Variants in LRRFIP1 observed in about 807,000 individuals in gnomAD.
LRRFIP1 encodes the protein LRR binding FLII interacting protein 1.
Under a neutral mutation model 104.4 loss-of-function variants are expected in LRRFIP1, and 62 were observed. That is an observed-to-expected ratio of 0.59 (90% CI 0.48 to 0.73). The LOEUF is 0.73. LRRFIP1 is among the 30% of genes least tolerant of loss of function. The pLI is 0.00. For missense variants in LRRFIP1, 796 were observed against 824.5 expected, an observed-to-expected ratio of 0.97 and a Z score of 0.42; for synonymous variants, 300 against 299.0, an observed-to-expected ratio of 1.00 and a Z score of -0.03.
chr2:237,661,753 C>T lies in LRRFIP1; in HGVS notation c.96+34013C>T, dbSNP rs2088015672. 6.6e-6 allele frequency among the ~76,000 whole-genome samples: 1 copy of T among 152,192 alleles called. No homozygotes were observed. Among genetic ancestry groups the T allele is most frequent in the Admixed American group, 6.5e-5 (1 of 15,284 alleles). On this transcript the variant is annotated intron_variant, in intron 1 of 23. Transcript: ENST00000308482. This position sits in a 1 kb window ranked among gnomAD's most constrained non-coding sequence, Gnocchi z 4.4. ...TCTGTGCTGTGCATGGGGACAGCTC[C>T]AGGAAGAGAGAGGGCACTGTTTTCC... is the stretch of plus-strand genomic sequence containing the variant.
chr2:237,700,779 GCCCTGGGTCTC>G (rs962001146), intron 1 of LRRFIP1, among the ~76,000 whole-genome samples: 5 of 152,202 alleles, frequency 3.3e-5, no homozygotes, highest in African/African-American at 1.2e-4. Flanking sequence ...TGAGCTGTAT[GCCCTGGGTCTC>G]CCCTGGGCTC....
chr2:237,734,302 A>G (rs1339822650), intron 9 of LRRFIP1, among the ~76,000 whole-genome samples: 1 of 105,178 alleles, frequency 9.5e-6, no homozygotes, highest in African/African-American at 4.8e-5. Context: ...TTTTTTGGAG[A>G]CAGAATCTCC....
intron 1 of LRRFIP1, among the ~76,000 whole-genome samples, chr2:237,631,793 T>C (rs2082375975): frequency 6.6e-6 from 1 of 152,240 alleles, no homozygotes; most frequent in African/African-American, 2.4e-5. Context: ...GGAACAGTCA[T>C]TTGCGCAGGC....
chr2:237,637,014 A>G (rs1024530624), intron 1 of LRRFIP1, among the ~76,000 whole-genome samples: 53 of 152,262 alleles, frequency 3.5e-4, no homozygotes, highest in South Asian at 2.1e-4. Flanking sequence ...AATCTGAGAC[A>G]TACACCAGGG....
chr2:237,737,652 C>A (rs1383620832), intron 10 of LRRFIP1, among the ~76,000 whole-genome samples: 9 of 152,206 alleles, frequency 5.9e-5, no homozygotes, highest in African/African-American at 2.2e-4. Flanking sequence ...GTTTTCCTCT[C>A]TCTTACATCA....
At chr2:237,759,517 G>A (rs2059643477) in intron 18 of LRRFIP1, among the ~76,000 whole-genome samples, 2 of 152,228 alleles carry the variant, frequency 1.3e-5, no homozygotes, top group South Asian at 4.1e-4. Flanking sequence ...GCCACAGGCG[G>A]CAGGAGGGCA....
At position 237,691,035 on chromosome 2, in the gene LRRFIP1, T is replaced by G. The variant is rs541516978; in HGVS notation, c.97-17509T>G. On this transcript the variant is annotated intron_variant, in intron 1 of 23. Coordinates refer to ENST00000308482, the MANE Select transcript of LRRFIP1 (RefSeq NM_001137550.2). The surrounding 1 kb of genome is among the most constrained non-coding windows in gnomAD (Gnocchi z 5.4). ...CCCTGCTGCACACCCTCCTGACAAC[T>G]CCTGCCCTGAAGCCCTGGGCCCGGG... is the stretch of plus-strand genomic sequence containing the variant. 4.0e-5 allele frequency among the ~76,000 whole-genome samples: 6 copies of G among 151,672 alleles called. No homozygotes were observed. The highest frequency in any genetic ancestry group is 2.6e-4 in the Admixed American group (4 of 15,276).
intron 4 of LRRFIP1, 135 bp from the exon 5 acceptor site, chr2:237,719,388 G>T: frequency 1.7e-6 from 1 of 596,634 alleles, no homozygotes; most frequent in South Asian, 2.2e-5. Flanking sequence ...TTAAATGAAG[G>T]CAAAGAAAAT....
chr2:237,756,130 G>A lies in LRRFIP1; in HGVS notation c.1074G>A (p.Leu358=). ...GGGAAAAACACGCCCACAGTATACT[G>A]CAATTTCAGTTTGCTGAAGTCAAGG... is the stretch of plus-strand genomic sequence containing the variant. ...FEREKHAHSI[L]QFQFAEVKEA... The change falls in exon 16 of 24, where the codon CTG becomes CTA. Residue 358 remains leucine, a synonymous_variant. Transcript: ENST00000308482. 1.2e-6 allele frequency: 2 copies of A among 1,613,980 alleles called. No individual in the cohort carries two copies. The highest frequency in any genetic ancestry group is 2.2e-5 in the South Asian group (2 of 91,074).
intron 1 of LRRFIP1, among the ~76,000 whole-genome samples, chr2:237,636,940 C>T (rs150983386): frequency 4.1e-4 from 62 of 152,250 alleles, no homozygotes; most frequent in African/African-American, 1.5e-3. Context: ...TAATTTGGTG[C>T]CTGCAGGTGG....
chr2:237,740,546 C>T (rs948420494), intron 11 of LRRFIP1, among the ~76,000 whole-genome samples: 1 of 152,148 alleles, frequency 6.6e-6, no homozygotes, highest in Admixed American at 6.5e-5. Context: ...TAGTAATCAA[C>T]CAAGAAGTCG....
At chr2:237,719,950 T>TC (rs2150163614) in intron 5 of LRRFIP1, among the ~76,000 whole-genome samples, 1 of 138,784 alleles carries the variant, frequency 7.2e-6, no homozygotes, top group East Asian at 2.0e-4. Context: ...CTTTTTTTTT[T>TC]TTTTTTTTTT....
chr2:237,632,720 A>G (rs2082557741), intron 1 of LRRFIP1, among the ~76,000 whole-genome samples: 1 of 152,136 alleles, frequency 6.6e-6, no homozygotes, highest in Non-Finnish European at 1.5e-5. Context: ...AGTGGGGTTC[A>G]GTGTGGAAAC....
Position 237,739,219 on chromosome 2 carries a change from G to T in LRRFIP1, c.556-13G>T, listed in dbSNP as rs1375826394. The T allele has an allele frequency of 3.9e-6, 6 of 1,554,344 alleles. No homozygotes were observed. In the Admixed American group the frequency reaches 1.2e-4, roughly 30 times the overall value. On this transcript the variant is annotated splice_polypyrimidine_tract_variant and intron_variant, in intron 10 of 23. Coordinates refer to ENST00000308482, the MANE Select transcript of LRRFIP1 (RefSeq NM_001137550.2). ...TTTCTGGCTGCGTGTCCTGGCGGTG[G>T]CTGTGTGGGCAGCCCTCGGAGTACA...
At chr2:237,773,194 A>G (rs2150928125) in intron 22 of LRRFIP1, among the ~76,000 whole-genome samples, 1 of 152,342 alleles carries the variant, frequency 6.6e-6, no homozygotes, top group East Asian at 1.9e-4. Flanking sequence ...AGTTGTAGAA[A>G]ATAGCTAATG....
Position 237,727,936 on chromosome 2 carries a change from G to T in LRRFIP1, c.444+1G>T. ...GTCCCTGAATAGAAGATCTGGCAGG[G>T]TTAGTATAGTAAATTTGCATGGCTC... On this transcript the variant is annotated splice_donor_variant, in intron 8 of 23. Transcript: ENST00000308482. LOFTEE classifies it high-confidence loss of function. 6.2e-7 allele frequency: 1 copy of T among 1,604,426 alleles called. No homozygotes were observed. Among genetic ancestry groups the T allele is most frequent in the Middle Eastern group, 1.7e-4 (1 of 6,038 alleles).
intron 15 of LRRFIP1, among the ~76,000 whole-genome samples, chr2:237,754,798 C>T (rs2059076839): frequency 6.6e-6 from 1 of 152,232 alleles, no homozygotes; most frequent in South Asian, 2.1e-4. Flanking sequence ...CCCAGCCCCC[C>T]TTCGGGTGGG....
rs1423030750 is a variant in LRRFIP1 at position 237,759,122 on chromosome 2, CAGACTT to C, written c.1317+305_1317+310del. On this transcript the variant is annotated intron_variant, in intron 18 of 23. Coordinates refer to ENST00000308482, the MANE Select transcript of LRRFIP1 (RefSeq NM_001137550.2). ...CTAGTAAATTCTCCAGGATATTACT[CAGACTT>C]AGAGAATTAATTTGCCTCTTTATAT... 5.9e-5 allele frequency among the ~76,000 whole-genome samples: 9 copies of C among 152,330 alleles called. No homozygotes were observed. The East Asian group carries it at 1.3e-3, about 23-fold the overall frequency.
intron 1 of LRRFIP1, among the ~76,000 whole-genome samples, chr2:237,644,493 T>C (rs2084551503): frequency 6.6e-6 from 1 of 152,134 alleles, no homozygotes; most frequent in East Asian, 1.9e-4. Context: ...CTGAAAACCT[T>C]TGGAGGAGAG....
Sources: allele counts gnomAD v4.1 joint callset (sites outside exome capture counted in the v4.1 genomes callset), GRCh38; gene constraint gnomAD v4.1.1; non-coding constraint Gnocchi (gnomAD v3.1); transcripts MANE v1.5; gene names NCBI Gene and HGNC (gene_info 2026-07-23, HGNC 2026-07-21).